Variants in INVS observed in about 807,000 individuals in gnomAD.
The protein encoded by INVS is inversin, also known as inversion of embryo turning homolog.
A neutral mutation model predicts 108.8 loss-of-function variants in INVS; 86 were observed. That is an observed-to-expected ratio of 0.79 (90% CI 0.66 to 0.95). The LOEUF (loss-of-function observed/expected upper bound fraction) is 0.95, where lower values mean the gene tolerates loss of function less well. Ranked by LOEUF, INVS falls within the 40% of genes least tolerant of loss-of-function variation. The pLI, the probability that INVS is intolerant of heterozygous loss-of-function variation, is 0.00. For synonymous variants in INVS, 455 were observed against 473.5 expected (o/e 0.96, Z 0.51); for missense variants, 1,169 against 1,297.4 (o/e 0.90, Z 1.52).
intron 3 of INVS, among the ~76,000 whole-genome samples, chr9:100,136,124 G>A (rs1294114208): frequency 2.0e-5 from 3 of 152,138 alleles, no homozygotes; most frequent in Non-Finnish European, 4.4e-5. Context: ...GGATTTTTCA[G>A]TTAGAAAGTG....
At chr9:100,160,379 G>C (rs1006687821) in intron 3 of INVS, among the ~76,000 whole-genome samples, 1 of 152,188 alleles carries the variant, frequency 6.6e-6, no homozygotes. Flanking sequence ...TTTGAATACA[G>C]AGTGATATAT....
At chr9:100,298,243 CTAT>C (rs1454276442) in intron 16 of INVS, 19 of 1,414,316 alleles carry the variant, frequency 1.3e-5, no homozygotes, top group Admixed American at 5.7e-5. Flanking sequence ...TAAATGGTAG[CTAT>C]TATTGATCAC....
intron 3 of INVS, among the ~76,000 whole-genome samples, chr9:100,133,696 A>T (rs543368510): frequency 1.3e-5 from 2 of 150,712 alleles, no homozygotes; most frequent in Non-Finnish European, 2.9e-5. Context: ...GAGCTCCCCA[A>T]CATTTTTGTT....
chr9:100,184,232 G>C (rs1045557507), intron 3 of INVS, among the ~76,000 whole-genome samples: 1 of 152,204 alleles, frequency 6.6e-6, no homozygotes, highest in African/African-American at 2.4e-5. Context: ...AAACCAGACA[G>C]TAATGCTTTT....
intron 3 of INVS, among the ~76,000 whole-genome samples, chr9:100,194,414 C>G (rs1830313471): frequency 6.6e-6 from 1 of 152,060 alleles, no homozygotes; most frequent in Non-Finnish European, 1.5e-5. Context: ...TGCAAACTTG[C>G]TAAAGTTCTT....
intron 12 of INVS, among the ~76,000 whole-genome samples, chr9:100,281,111 C>T (rs981795567): frequency 3.9e-5 from 6 of 152,120 alleles, no homozygotes; most frequent in African/African-American, 1.4e-4. Context: ...TTGTATGACC[C>T]AATTAATTTT....
At chr9:100,209,799 T>G (rs1830782372) in intron 3 of INVS, among the ~76,000 whole-genome samples, 1 of 149,880 alleles carries the variant, frequency 6.7e-6, no homozygotes, top group Admixed American at 6.7e-5. Context: ...AAAAAAATCC[T>G]TCAGTACTGC....
intron 1 of INVS, 129 bp downstream of exon 1, chr9:100,099,545 CG>C (rs1467564447): frequency 6.6e-6 from 1 of 152,520 alleles, no homozygotes. Flanking sequence ...CCTCCTCGCC[CG>C]CTGCCTCTTC....
At chr9:100,122,775 G>A (rs1005794211) in intron 2 of INVS, among the ~76,000 whole-genome samples, 4 of 151,194 alleles carry the variant, frequency 2.6e-5, no homozygotes, top group Non-Finnish European at 2.9e-5. Context: ...TAGTAGAGAG[G>A]GGGTTTCACC....
intron 3 of INVS, among the ~76,000 whole-genome samples, chr9:100,161,113 C>T (rs964020274): frequency 6.9e-5 from 10 of 145,036 alleles, no homozygotes; most frequent in African/African-American, 9.8e-5. Context: ...AATCCCAGCA[C>T]GCCTGTAATC....
chr9:100,177,616 G>A (rs993099647), intron 3 of INVS, among the ~76,000 whole-genome samples: 3 of 152,216 alleles, frequency 2.0e-5, no homozygotes, highest in Admixed American at 2.0e-4. Flanking sequence ...AAGAAAGGCA[G>A]AAGCCCCAGT....
intron 8 of INVS, among the ~76,000 whole-genome samples, chr9:100,250,168 A>ATATAGAGG (rs1832182374): frequency 6.6e-6 from 1 of 152,138 alleles, no homozygotes; most frequent in African/African-American, 2.4e-5. Flanking sequence ...AAAGTGCTGT[A>ATATAGAGG]AGTTTATATA....
intron 2 of INVS, chr9:100,120,658 G>T (rs181206696): frequency 2.0e-4 from 30 of 152,304 alleles, no homozygotes; most frequent in African/African-American, 7.2e-4. Flanking sequence ...CTCTCCTCCT[G>T]TAAGGCAAAC....
At chr9:100,227,865 A>G (rs1831381055) in intron 4 of INVS, among the ~76,000 whole-genome samples, 1 of 152,206 alleles carries the variant, frequency 6.6e-6, no homozygotes, top group South Asian at 2.1e-4. Flanking sequence ...AAGGATCATC[A>G]TTTGAAAACA....
intron 1 of INVS, among the ~76,000 whole-genome samples, chr9:100,100,815 T>TATATATTATATGTAC (rs1826882930): frequency 8.2e-4 from 40 of 49,024 alleles, no homozygotes; most frequent in Admixed American, 1.2e-3. Flanking sequence ...ATATATAATA[T>TATATATTATATGTAC]ATATAATATA....
At chr9:100,138,700 C>CTTTTTTTTTT (rs36096327) in intron 3 of INVS, among the ~76,000 whole-genome samples, 2 of 124,936 alleles carry the variant, frequency 1.6e-5, no homozygotes, top group Non-Finnish European at 3.2e-5. Flanking sequence ...TGATGGTTTC[C>CTTTTTTTTTT]TTTTTTTTTT....
At chr9:100,194,076 A>T (rs1334390346) in intron 3 of INVS, among the ~76,000 whole-genome samples, 1 of 152,220 alleles carries the variant, frequency 6.6e-6, no homozygotes, top group Non-Finnish European at 1.5e-5. Flanking sequence ...TCTCTTGGGT[A>T]AATCATTATA....
At chr9:100,137,670 G>A (rs1310865615) in intron 3 of INVS, among the ~76,000 whole-genome samples, 2 of 152,102 alleles carry the variant, frequency 1.3e-5, no homozygotes, top group Non-Finnish European at 2.9e-5. Context: ...TTGAAATACT[G>A]ATTGATGTGT....
intron 3 of INVS, among the ~76,000 whole-genome samples, chr9:100,221,148 G>T (rs550883620): frequency 6.6e-6 from 1 of 152,012 alleles, no homozygotes; most frequent in Non-Finnish European, 1.5e-5. Context: ...GGGTCCAAAG[G>T]GTCACACAAC....
Sources: gnomAD v4.1 joint callset for allele counts (sites outside exome capture counted in the v4.1 genomes callset) on GRCh38, gnomAD v4.1.1 for gene constraint, MANE v1.5 for transcripts, NCBI Gene and HGNC (gene_info 2026-07-23, HGNC 2026-07-21) for gene names.